CSMD3: variants seen among roughly 807,000 people sequenced by gnomAD.
CSMD3 encodes CUB and sushi domain-containing protein 3.
CSMD3 carries 177 observed loss-of-function variants against 435.2 expected under a neutral mutation model. The observed-to-expected ratio is 0.41, with a 90% CI of 0.36 to 0.46. The LOEUF (loss-of-function observed/expected upper bound fraction) is 0.46. Among genes scored for constraint, CSMD3 ranks in the 20% least tolerant of loss-of-function variants. The pLI, the probability that CSMD3 is intolerant of heterozygous loss-of-function variation, is 0.34. For missense variants in CSMD3, 4,265 were observed against 4,504.6 expected (o/e 0.95, Z 1.52); for synonymous variants, 1,656 against 1,520.5 (o/e 1.09, Z -2.07).
chr8:112,577,592 T>C (rs1193086088), intron 23 of CSMD3, among the ~76,000 whole-genome samples: 1 of 152,110 alleles, frequency 6.6e-6, no homozygotes, highest in Non-Finnish European at 1.5e-5. Flanking sequence ...TGATGGCTTT[T>C]ATAATGTTAA....
At chr8:113,086,163 G>T (rs1251076118) in intron 5 of CSMD3, among the ~76,000 whole-genome samples, 1 of 151,672 alleles carries the variant, frequency 6.6e-6, no homozygotes, top group Admixed American at 6.6e-5. Flanking sequence ...GCAGGAGAAT[G>T]GAGTGTACCT....
chr8:112,418,762 A>G (rs1812172787), intron 32 of CSMD3, among the ~76,000 whole-genome samples: 1 of 152,206 alleles, frequency 6.6e-6, no homozygotes, highest in Non-Finnish European at 1.5e-5. Flanking sequence ...TTAATTGATT[A>G]ATGAATTAAA....
chr8:113,225,341 T>C (rs901479497), intron 3 of CSMD3, among the ~76,000 whole-genome samples: 14 of 151,508 alleles, frequency 9.2e-5, no homozygotes, highest in South Asian at 6.2e-4. Context: ...TGTCCACTAG[T>C]GTTACCTTTT....
intron 13 of CSMD3, among the ~76,000 whole-genome samples, chr8:112,789,558 A>G (rs2078635228): frequency 6.6e-6 from 1 of 151,974 alleles, no homozygotes; most frequent in South Asian, 2.1e-4. Context: ...AGTATATGAC[A>G]GATAATTCAG....
intron 54 of CSMD3, among the ~76,000 whole-genome samples, chr8:112,293,908 A>T (rs1397314549): frequency 1.3e-5 from 2 of 152,124 alleles, no homozygotes; most frequent in Admixed American, 1.3e-4. Context: ...CTGGTTTAAA[A>T]TTATCAATAA....
At chr8:112,438,782 G>A (rs1210267960) in intron 32 of CSMD3, among the ~76,000 whole-genome samples, 1 of 152,098 alleles carries the variant, frequency 6.6e-6, no homozygotes, top group South Asian at 2.1e-4. Flanking sequence ...GTTAGCATTT[G>A]GTTAAATAAA....
At chr8:113,081,029 A>G (rs2089542507) in intron 5 of CSMD3, among the ~76,000 whole-genome samples, 1 of 152,092 alleles carries the variant, frequency 6.6e-6, no homozygotes, top group African/African-American at 2.4e-5. Flanking sequence ...TCATATTTTA[A>G]TTTTATATTG....
chr8:112,404,714 T>A (rs1204225953), intron 35 of CSMD3, among the ~76,000 whole-genome samples: 1 of 152,038 alleles, frequency 6.6e-6, no homozygotes, highest in African/African-American at 2.4e-5. Flanking sequence ...GCAAATATAA[T>A]TTATTTTCAT....
intron 27 of CSMD3, among the ~76,000 whole-genome samples, chr8:112,519,644 T>C (rs1415637269): frequency 6.6e-6 from 1 of 152,190 alleles, no homozygotes; most frequent in Non-Finnish European, 1.5e-5. Context: ...ATGTAATACT[T>C]GTTGAGCACT....
At chr8:112,868,664 C>T (rs1172331823) in intron 10 of CSMD3, among the ~76,000 whole-genome samples, 2 of 152,110 alleles carry the variant, frequency 1.3e-5, no homozygotes, top group East Asian at 3.9e-4. Flanking sequence ...TAAAAACAGA[C>T]AGATAGATAA....
At chr8:112,462,585 A>G (rs1327986559) in intron 32 of CSMD3, among the ~76,000 whole-genome samples, 3 of 152,224 alleles carry the variant, frequency 2.0e-5, no homozygotes, top group Non-Finnish European at 4.4e-5. Flanking sequence ...CCCATTCTAG[A>G]GCATATTATA....
intron 4 of CSMD3, among the ~76,000 whole-genome samples, chr8:113,156,556 A>T (rs1588168612): frequency 1.3e-5 from 2 of 151,618 alleles, no homozygotes; most frequent in African/African-American, 4.8e-5. Flanking sequence ...TATTACTGTA[A>T]TTTCACAATG....
chr8:112,438,826 C>G (rs149129797), intron 32 of CSMD3, among the ~76,000 whole-genome samples: 3 of 152,120 alleles, frequency 2.0e-5, no homozygotes, highest in Non-Finnish European at 2.9e-5. Context: ...ATAGCTACTA[C>G]CAAATTCAGT....
intron 3 of CSMD3, among the ~76,000 whole-genome samples, chr8:113,231,485 T>G (rs2093086283): frequency 2.0e-5 from 3 of 151,460 alleles, no homozygotes; most frequent in Admixed American, 6.6e-5. Flanking sequence ...TGTGGAAATA[T>G]TTTTTAAAAA....
intron 13 of CSMD3, among the ~76,000 whole-genome samples, chr8:112,769,945 G>T (rs990801848): frequency 6.6e-6 from 1 of 151,874 alleles, no homozygotes; most frequent in Non-Finnish European, 1.5e-5. Flanking sequence ...ATGTGTAACT[G>T]AACACTACAA....
intron 3 of CSMD3, among the ~76,000 whole-genome samples, chr8:113,206,415 C>T (rs1023662784): frequency 4.6e-5 from 7 of 152,022 alleles, no homozygotes; most frequent in African/African-American, 1.7e-4. Flanking sequence ...AACAATGTTA[C>T]CTTATCACAT....
At chr8:113,366,893 G>A (rs2094315334) in intron 1 of CSMD3, among the ~76,000 whole-genome samples, 1 of 151,868 alleles carries the variant, frequency 6.6e-6, no homozygotes, top group South Asian at 2.1e-4. Flanking sequence ...GGAAATCATT[G>A]GTGTTAAAGA....
chr8:112,387,262 A>G (rs1198986968), intron 36 of CSMD3, among the ~76,000 whole-genome samples: 1 of 152,138 alleles, frequency 6.6e-6, no homozygotes, highest in Non-Finnish European at 1.5e-5. Flanking sequence ...TCAGCATTCC[A>G]TATGTTTCTT....
intron 7 of CSMD3, among the ~76,000 whole-genome samples, chr8:112,966,816 A>G (rs2084433877): frequency 6.6e-6 from 1 of 151,866 alleles, no homozygotes; most frequent in African/African-American, 2.4e-5. Flanking sequence ...CTGCCTTAAA[A>G]TATCCCTTGC....
Sources: allele counts gnomAD v4.1 joint callset (sites outside exome capture counted in the v4.1 genomes callset), GRCh38; gene constraint gnomAD v4.1.1; transcripts MANE v1.5; gene names NCBI Gene and HGNC (gene_info 2026-07-23, HGNC 2026-07-21).